Variants in GCNA observed in about 807,000 individuals in gnomAD.
GCNA encodes germ cell nuclear acidic peptidase, also known as germ cell nuclear acidic protein.
Under a neutral mutation model 38.8 loss-of-function variants are expected in GCNA, and 3 were observed. That is an observed-to-expected ratio of 0.08 (90% CI 0.04 to 0.20). The LOEUF (loss-of-function observed/expected upper bound fraction) is 0.20, where lower values mean the gene tolerates loss of function less well. Among genes scored for constraint, GCNA ranks in the 10% least tolerant of loss-of-function variants. The pLI, the probability that GCNA is intolerant of heterozygous loss-of-function variation, is 1.00. For missense variants in GCNA, 446 were observed against 578.6 expected, an observed-to-expected ratio of 0.77 and a Z score of 2.35; for synonymous variants, 195 against 240.2, an observed-to-expected ratio of 0.81 and a Z score of 1.74.
At chrX:71,593,450 G>T (rs2040646113) in intron 4 of GCNA, among the ~76,000 whole-genome samples, 1 of 111,990 alleles carries the variant, frequency 8.9e-6, no homozygotes, top group Non-Finnish European at 1.9e-5. Flanking sequence ...CGAGCTGAAG[G>T]GTTCCGAGCA....
chrX:71,610,156 C>T (rs1037161223), intron 10 of GCNA, among the ~76,000 whole-genome samples: 3 of 111,842 alleles, frequency 2.7e-5, no homozygotes, highest in Non-Finnish European at 3.8e-5. Context: ...TTTACCCAGA[C>T]GTTAATGTGG....
chrX:71,598,531 T>C lies in GCNA; in HGVS notation c.310+493T>C, dbSNP rs764749147. 8.2e-4 allele frequency among the ~76,000 whole-genome samples: 91 copies of C among 111,649 alleles called. 1 individual carries two copies. The highest frequency in any genetic ancestry group is 2.8e-3 in the African/African-American group (87 of 30,799). ...CTTTTTCCATTGAGCTGCTGGTCTTTGCTGTTTGCCGGTCCTTCTGTATTT... is the reference window on the plus strand; with the variant it reads ...CTTTTTCCATTGAGCTGCTGGTCTTCGCTGTTTGCCGGTCCTTCTGTATTT... On this transcript the variant is annotated intron_variant, in intron 7 of 12. Transcript: ENST00000373696.
Position 71,594,764 on chromosome X carries a change from C to T in GCNA, c.206C>T (p.Pro69Leu), listed in dbSNP as rs758409328. 7.9e-6 allele frequency: 9 copies of T among 1,142,144 alleles called. No homozygotes were observed. The highest frequency in any genetic ancestry group is 5.9e-5 in the African/African-American group (3 of 51,080). The allele number at this position is 1,142,144 out of a possible 1,213,427, so 94.1% of individuals were successfully genotyped here. The change falls in exon 6 of 13, where the codon CCG (proline) becomes CTG (leucine). Residue 69 changes from proline to leucine, a missense_variant. Around this residue, in one of 7 missense-constraint regions of GCNA, gnomAD observed 25 missense variants for 52.8 expected, o/e 0.47. Coordinates refer to ENST00000373696, the MANE Select transcript of GCNA (RefSeq NM_052957.5). ...TSGSSVARRA[P>L]KRQASSVVVI... Reference sequence around the variant, plus strand: ...GATTTAGCTGTGGCCAGAAGAGCTCCGAAGAGACAGGCGAGGTGAGTAGGA... The same window carrying T: ...GATTTAGCTGTGGCCAGAAGAGCTCTGAAGAGACAGGCGAGGTGAGTAGGA...
At chrX:71,579,188 T>G (rs1450414927) in intron 1 of GCNA, among the ~76,000 whole-genome samples, 4 of 58,963 alleles carry the variant, frequency 6.8e-5, no homozygotes, top group Admixed American at 3.8e-4. Context: ...TGGGGGGAGG[T>G]GGGGGCCCCA....
At chrX:71,610,390 GA>G (rs1401899856) in intron 10 of GCNA, among the ~76,000 whole-genome samples, 3 of 112,055 alleles carry the variant, frequency 2.7e-5, no homozygotes. Flanking sequence ...AAGGCAGGCG[GA>G]TCACCTGAGG....
At chrX:71,597,913 T>A in intron 6 of GCNA, 37 bp from the exon 7 acceptor site, 1 of 1,057,286 alleles carries the variant, frequency 9.5e-7, no homozygotes, top group Non-Finnish European at 1.3e-6. Context: ...GTTGCGTTCA[T>A]ACTTCTCTCT....
At chrX:71,611,730 G>A (rs955598304) in intron 11 of GCNA, among the ~76,000 whole-genome samples, 3 of 111,070 alleles carry the variant, frequency 2.7e-5, no homozygotes, top group Admixed American at 9.6e-5. Context: ...TTCCTGGAGG[G>A]CAGAAACTAG....
At chrX:71,600,270 T>C (rs1192141118) in intron 7 of GCNA, among the ~76,000 whole-genome samples, 2 of 111,521 alleles carry the variant, frequency 1.8e-5, no homozygotes, top group African/African-American at 6.5e-5. Flanking sequence ...AATGAAATTT[T>C]GGTGACCAAC....
intron 4 of GCNA, among the ~76,000 whole-genome samples, chrX:71,593,765 C>G (rs1230757065): frequency 9.8e-6 from 1 of 102,406 alleles, no homozygotes; most frequent in Non-Finnish European, 2.0e-5. Flanking sequence ...CCCTTTTGCC[C>G]TTTAATTTTT....
intron 8 of GCNA, among the ~76,000 whole-genome samples, chrX:71,605,229 T>C (rs974397735): frequency 1.0e-5 from 1 of 100,357 alleles, no homozygotes; most frequent in African/African-American, 3.6e-5. Context: ...TGACACTGAC[T>C]ATTGATACAT....
At chrX:71,588,681 G>T (rs2040600990) in intron 2 of GCNA, among the ~76,000 whole-genome samples, 1 of 110,403 alleles carries the variant, frequency 9.1e-6, no homozygotes, top group African/African-American at 3.3e-5. Flanking sequence ...ACAAAAATGA[G>T]CTGGGCGTGG....
rs949187618 is a variant in GCNA at position 71,580,802 on chromosome X, C to T, written c.-2-18C>T. On this transcript the variant is annotated intron_variant, in intron 1 of 12. Transcript: ENST00000373696. ...TTCTGGCTTTCTTAAGAAAGTGTAT[C>T]TTTGTCTTTCACTACAGACATGGAT... 35 of 1,190,359 alleles carry T rather than the reference C, an allele frequency of 2.9e-5. No homozygotes were observed. Among genetic ancestry groups the T allele is most frequent in the Non-Finnish European group, 3.7e-5 (33 of 883,966 alleles).
chrX:71,612,719 C>T, intron 12 of GCNA, 143 bp from the exon 13 acceptor site: 1 of 984,630 alleles, frequency 1.0e-6, no homozygotes, highest in South Asian at 2.3e-5. Flanking sequence ...TTTGAGCCGG[C>T]CTGACCACTG....
At chrX:71,578,980 T>G (rs1405838255) in intron 1 of GCNA, among the ~76,000 whole-genome samples, 8 of 34,280 alleles carry the variant, frequency 2.3e-4, no homozygotes, top group African/African-American at 3.5e-4. Context: ...GTCGGGGAAG[T>G]GGGGGTGCTG....
chrX:71,588,287 C>T (rs762508751), intron 2 of GCNA, among the ~76,000 whole-genome samples: 2 of 111,250 alleles, frequency 1.8e-5, no homozygotes, highest in East Asian at 5.6e-4. Flanking sequence ...CCACAGATAT[C>T]CTAATCATGT....
chrX:71,578,831 G>T (rs1308173607), intron 1 of GCNA, among the ~76,000 whole-genome samples: 1 of 109,811 alleles, frequency 9.1e-6, no homozygotes, highest in Non-Finnish European at 1.9e-5. Context: ...GGCGTGGGGA[G>T]AAGGGGCGCT....
chrX:71,609,427 A>T (rs746873349), intron 10 of GCNA, among the ~76,000 whole-genome samples: 4 of 111,553 alleles, frequency 3.6e-5, no homozygotes, highest in Non-Finnish European at 7.5e-5. Flanking sequence ...AGGATGGGGG[A>T]GAGGGAGAGT....
chrX:71,612,247 C>T, intron 11 of GCNA, 108 bp from the exon 12 acceptor site: 1 of 654,993 alleles, frequency 1.5e-6, no homozygotes, highest in South Asian at 3.1e-5. Flanking sequence ...CATTACACTC[C>T]AGCCTGGGCG....
intron 2 of GCNA, among the ~76,000 whole-genome samples, chrX:71,583,266 A>T (rs906336566): frequency 2.4e-4 from 27 of 111,963 alleles, no homozygotes; most frequent in African/African-American, 8.8e-4. Context: ...CTGTTTTCAG[A>T]GTTCTTTATC....
Sources: gnomAD v4.1 joint callset for allele counts (sites outside exome capture counted in the v4.1 genomes callset) on GRCh38, gnomAD v4.1.1 for gene constraint, gnomAD v4.1.1 regional missense constraint, MANE v1.5 for transcripts, NCBI Gene and HGNC (gene_info 2026-07-23, HGNC 2026-07-21) for gene names.